KATNIP: variants seen among roughly 807,000 people sequenced by gnomAD.
KATNIP encodes katanin-interacting protein.
KATNIP carries 126 observed loss-of-function variants against 174.0 expected under a neutral mutation model. That is an observed-to-expected ratio of 0.72 (90% CI 0.63 to 0.84). KATNIP has a LOEUF of 0.84. KATNIP is among the 40% of genes least tolerant of loss of function. The probability of loss-of-function intolerance (pLI) is 0.00; values close to 1 mark genes in which losing one functional copy is unlikely to be tolerated. For synonymous variants in KATNIP, 810 were observed against 835.7 expected (o/e 0.97, Z 0.53); for missense variants, 1,958 against 2,109.7 (o/e 0.93, Z 1.41).
At chr16:27,553,470 T>C (rs2089477716) in intron 1 of KATNIP, among the ~76,000 whole-genome samples, 1 of 152,208 alleles carries the variant, frequency 6.6e-6, no homozygotes, top group Non-Finnish European at 1.5e-5. Context: ...ATTATTTTAT[T>C]TACTGCCATG....
At chr16:27,573,497 C>T (rs2090378529) in intron 1 of KATNIP, among the ~76,000 whole-genome samples, 1 of 152,200 alleles carries the variant, frequency 6.6e-6, no homozygotes, top group Admixed American at 6.5e-5. Flanking sequence ...TTTGGTGCAG[C>T]ACGTTGGTAT....
chr16:27,605,680 T>G (rs1394824656), intron 2 of KATNIP, among the ~76,000 whole-genome samples: 3 of 152,206 alleles, frequency 2.0e-5, no homozygotes, highest in Non-Finnish European at 4.4e-5. Flanking sequence ...GCTGCAGTGT[T>G]TTGTGCTGTT....
Position 27,776,856 on chromosome 16 carries a change from TG to T in KATNIP, c.4450-70del. ...ACCACCGCTCACCCCAGCCCACGCCTGGCACCCCCAGCCCAGCCAAGCGCCT... is the reference window on the plus strand; with the variant it reads ...ACCACCGCTCACCCCAGCCCACGCCTGCACCCCCAGCCCAGCCAAGCGCCT... On this transcript the variant is annotated intron_variant, in intron 24 of 27. Transcript: ENST00000261588. This position sits in a 1 kb window ranked among gnomAD's most constrained non-coding sequence, Gnocchi z 4.7. The T allele has an allele frequency of 8.8e-7, 1 of 1,141,648 alleles. No individual in the cohort carries two copies. The highest frequency in any genetic ancestry group is 1.5e-5 in the African/African-American group (1 of 65,692). 70.7% of individuals were successfully genotyped at this position (1,141,648 alleles called of 1,614,324 possible).
chr16:27,620,536 TA>T (rs1442361895), intron 3 of KATNIP, among the ~76,000 whole-genome samples: 1 of 151,984 alleles, frequency 6.6e-6, no homozygotes, highest in African/African-American at 2.4e-5. Flanking sequence ...GATGTTGTCA[TA>T]AACAATCAAG....
Position 27,740,379 on chromosome 16 carries a change from G to C in KATNIP, c.2082G>C (p.Gln694His), listed in dbSNP as rs753820755. 1.9e-6 allele frequency: 3 copies of C among 1,614,210 alleles called. No individual in the cohort carries two copies. The highest frequency in any genetic ancestry group is 2.5e-6 in the Non-Finnish European group (3 of 1,180,048). ...ATTGCAGGAAAGACAGTTTGTCCCAGTTAGAGGAATATTTGAGACTGTCGG... is the reference window on the plus strand; with the variant it reads ...ATTGCAGGAAAGACAGTTTGTCCCACTTAGAGGAATATTTGAGACTGTCGG... ...STNCRKDSLSQLEEYLRLSAV... is the reference protein window; with the variant it reads ...STNCRKDSLSHLEEYLRLSAV... Residue 694 changes from glutamine (Q) to histidine (H), a missense_variant, in exon 15 of 28, where the codon CAG (glutamine) becomes CAC (histidine). Coordinates refer to ENST00000261588, the MANE Select transcript of KATNIP (RefSeq NM_015202.5).
Position 27,701,679 on chromosome 16 carries a change from G to A in KATNIP, c.1270G>A (p.Gly424Arg). 1 of 1,602,518 alleles carries A rather than the reference G, an allele frequency of 6.2e-7. No individual in the cohort carries two copies. The highest frequency in any genetic ancestry group is 8.5e-7 in the Non-Finnish European group (1 of 1,174,880). ...CATCAACCAGGCCATGGACAGAATT[G>A]GGCTTCTGGGAAGCAGGTACTACTA... ...RAINQAMDRI[G>R]LLGSRQQQKL... Residue 424 changes from glycine to arginine, a missense_variant, in exon 11 of 28, where the codon GGG becomes AGG. Physicochemically the swap from Gly to Arg is moderately radical, Grantham distance 125 (BLOSUM62 -2). Transcript: ENST00000261588.
intron 2 of KATNIP, among the ~76,000 whole-genome samples, chr16:27,584,363 A>G (rs540749070): frequency 5.9e-5 from 9 of 152,104 alleles, no homozygotes; most frequent in Non-Finnish European, 1.3e-4. Context: ...CGTAAAGCAC[A>G]TGGTTAGGAA....
At chr16:27,694,888 C>G (rs578112441) in intron 8 of KATNIP, among the ~76,000 whole-genome samples, 2 of 152,324 alleles carry the variant, frequency 1.3e-5, no homozygotes, top group African/African-American at 4.8e-5. Context: ...CTCAGCAGCT[C>G]TGTTCTGATG....
At chr16:27,577,201 A>G (rs1169520428) in intron 2 of KATNIP, among the ~76,000 whole-genome samples, 1 of 152,228 alleles carries the variant, frequency 6.6e-6, no homozygotes, top group African/African-American at 2.4e-5. Context: ...TTAAATCCAC[A>G]TTTAAACATT....
chr16:27,766,188 C>A, intron 19 of KATNIP, 121 bp from the exon 20 acceptor site: 1 of 1,013,174 alleles, frequency 9.9e-7, no homozygotes, highest in Non-Finnish European at 1.4e-6. Context: ...ACAAGCCTGA[C>A]ACAGCCAGGC....
intron 19 of KATNIP, among the ~76,000 whole-genome samples, chr16:27,762,983 AG>A (rs2082003558): frequency 6.6e-6 from 1 of 152,208 alleles, no homozygotes; most frequent in African/African-American, 2.4e-5. Flanking sequence ...CTAAACAATA[AG>A]GGATTTAAGA....
At chr16:27,581,295 A>G (rs2090688771) in intron 2 of KATNIP, among the ~76,000 whole-genome samples, 1 of 152,268 alleles carries the variant, frequency 6.6e-6, no homozygotes, top group African/African-American at 2.4e-5. Context: ...ACATAGGAAT[A>G]GCCAAAGGTT....
chr16:27,745,191 T>A (rs116330544), intron 15 of KATNIP, among the ~76,000 whole-genome samples: 56 of 152,302 alleles, frequency 3.7e-4, no homozygotes, highest in African/African-American at 1.3e-3. Flanking sequence ...AGGATGTTAT[T>A]TGGAGAATCC....
chr16:27,634,605 G>A (rs1360905761), intron 5 of KATNIP, among the ~76,000 whole-genome samples: 1 of 152,190 alleles, frequency 6.6e-6, no homozygotes, highest in Non-Finnish European at 1.5e-5. Context: ...GCGCTATGAA[G>A]ACCCTGCCCC....
At chr16:27,763,315 A>T (rs934431975) in intron 19 of KATNIP, among the ~76,000 whole-genome samples, 90 of 150,844 alleles carry the variant, frequency 6.0e-4, no homozygotes, top group Non-Finnish European at 1.0e-3. Flanking sequence ...AAAAATAAAT[A>T]AAAAAAAGTA....
At chr16:27,747,978 C>T (rs561422070) in intron 15 of KATNIP, among the ~76,000 whole-genome samples, 4 of 152,082 alleles carry the variant, frequency 2.6e-5, no homozygotes, top group Non-Finnish European at 5.9e-5. Context: ...TGGAGCCGAG[C>T]CCCCTAGGAG....
At chr16:27,742,032 CAAAA>C (rs561087780) in intron 15 of KATNIP, among the ~76,000 whole-genome samples, 2 of 113,552 alleles carry the variant, frequency 1.8e-5, no homozygotes, top group East Asian at 2.4e-4. Context: ...CTGTATATGT[CAAAA>C]AAAAAAAAAA....
At chr16:27,561,941 T>G (rs933006381) in intron 1 of KATNIP, among the ~76,000 whole-genome samples, 1 of 152,240 alleles carries the variant, frequency 6.6e-6, no homozygotes, top group African/African-American at 2.4e-5. Flanking sequence ...TATTTCATTA[T>G]GCTGCTTGTG....
intron 15 of KATNIP, among the ~76,000 whole-genome samples, chr16:27,743,466 C>T (rs1296272036): frequency 6.6e-6 from 1 of 152,070 alleles, no homozygotes; most frequent in Non-Finnish European, 1.5e-5. Context: ...TGCTGCTCAC[C>T]CCTTCTGAGA....
Sources: gnomAD v4.1 joint callset for allele counts (sites outside exome capture counted in the v4.1 genomes callset) on GRCh38, gnomAD v4.1.1 for gene constraint, Gnocchi (gnomAD v3.1) non-coding constraint, MANE v1.5 for transcripts, NCBI Gene and HGNC (gene_info 2026-07-23, HGNC 2026-07-21) for gene names.